NCKAP5: variants seen among roughly 807,000 people sequenced by gnomAD.
NCKAP5 encodes the protein nck-associated protein 5.
Under a neutral mutation model 167.0 loss-of-function variants are expected in NCKAP5, and 92 were observed. The ratio of observed to expected loss-of-function variants is 0.55; its 90% CI spans 0.47 to 0.66. The LOEUF (loss-of-function observed/expected upper bound fraction) is 0.66, where lower values mean the gene tolerates loss of function less well. Among genes scored for constraint, NCKAP5 ranks in the 30% least tolerant of loss-of-function variants. NCKAP5 has a pLI of 0.00. For synonymous variants in NCKAP5, 891 were observed against 877.4 expected (o/e 1.02, Z -0.27); for missense variants, 2,378 against 2,315.0 (o/e 1.03, Z -0.56).
chr2:133,490,583 C>A (rs1225737729), intron 3 of NCKAP5, among the ~76,000 whole-genome samples: 4 of 152,138 alleles, frequency 2.6e-5, no homozygotes, highest in Admixed American at 6.6e-5. Context: ...ACCTAAAATT[C>A]AAAACACTAT....
chr2:133,309,693 T>TA (rs1390049116), intron 3 of NCKAP5, among the ~76,000 whole-genome samples: 2 of 152,220 alleles, frequency 1.3e-5, no homozygotes, highest in African/African-American at 4.8e-5. Flanking sequence ...GGTTTATAGA[T>TA]ACACTGAACA....
intron 6 of NCKAP5, among the ~76,000 whole-genome samples, chr2:133,128,021 C>T (rs1292324743): frequency 1.3e-5 from 2 of 152,186 alleles, no homozygotes; most frequent in Non-Finnish European, 2.9e-5. Context: ...CCTCCATGAA[C>T]TCCTACACCA....
At chr2:133,036,715 C>T (rs1360227035) in intron 6 of NCKAP5, among the ~76,000 whole-genome samples, 1 of 152,002 alleles carries the variant, frequency 6.6e-6, no homozygotes, top group Non-Finnish European at 1.5e-5. Context: ...TAGTATCATA[C>T]TTAATGGAGT....
chr2:133,289,822 GT>G (rs1679441555), intron 4 of NCKAP5, among the ~76,000 whole-genome samples: 1 of 152,188 alleles, frequency 6.6e-6, no homozygotes, highest in Non-Finnish European at 1.5e-5. Flanking sequence ...GGAAGCATGG[GT>G]GGGGAGGCCT....
At chr2:132,854,284 A>C (rs571351816) in intron 11 of NCKAP5, among the ~76,000 whole-genome samples, 1 of 152,318 alleles carries the variant, frequency 6.6e-6, no homozygotes, top group African/African-American at 2.4e-5. Context: ...GGTCTTGTTC[A>C]AAGAAAAAAA....
chr2:133,072,043 T>C (rs946283239), intron 6 of NCKAP5, among the ~76,000 whole-genome samples: 1 of 151,986 alleles, frequency 6.6e-6, no homozygotes, highest in South Asian at 2.1e-4. Flanking sequence ...TGGTCTCTCC[T>C]GCCTCAGATA....
At chr2:133,432,826 A>G (rs905475424) in intron 3 of NCKAP5, among the ~76,000 whole-genome samples, 2 of 152,200 alleles carry the variant, frequency 1.3e-5, no homozygotes, top group African/African-American at 2.4e-5. Context: ...GCATCTGCAC[A>G]ATATCCTATG....
intron 16 of NCKAP5, among the ~76,000 whole-genome samples, chr2:132,765,346 C>T (rs1244664739): frequency 2.3e-5 from 3 of 128,448 alleles, no homozygotes; most frequent in Non-Finnish European, 3.1e-5. Context: ...GAGTTTCGCT[C>T]TGTCCCTAGG....
chr2:133,115,822 TCACACA>T (rs141741244), intron 6 of NCKAP5, among the ~76,000 whole-genome samples: 31 of 122,948 alleles, frequency 2.5e-4, no homozygotes, highest in Non-Finnish European at 2.6e-4. Flanking sequence ...TATATAGTGT[TCACACA>T]CACACACACA....
At chr2:133,152,231 G>A (rs948435742) in intron 5 of NCKAP5, among the ~76,000 whole-genome samples, 1 of 152,086 alleles carries the variant, frequency 6.6e-6, no homozygotes, top group Non-Finnish European at 1.5e-5. Context: ...TCCCCTTACT[G>A]CAGACAATCT....
chr2:133,215,279 G>A (rs2086377984), intron 4 of NCKAP5, among the ~76,000 whole-genome samples: 1 of 152,040 alleles, frequency 6.6e-6, no homozygotes, highest in African/African-American at 2.4e-5. Flanking sequence ...AACAAATTAA[G>A]GGAACAAATA....
chr2:132,857,170 T>C (rs539105116), intron 11 of NCKAP5, among the ~76,000 whole-genome samples: 272 of 139,660 alleles, frequency 1.9e-3, no homozygotes, highest in African/African-American at 7.0e-3. Context: ...TCTTCCATTA[T>C]CTTTTTTTTT....
Position 133,389,034 on chromosome 2 carries a change from C to T in NCKAP5, c.70-85924G>A, listed in dbSNP as rs146557464. On this transcript the variant is annotated intron_variant, in intron 3 of 19. Transcript: ENST00000409261. The stretch of plus-strand genomic sequence containing the variant: ...TTTGGCTCACTCTTGGTGCACTGCA[C>T]CCACTGTCCTGCACCCACTGTCCGA... Among the ~76,000 whole-genome samples, 633 of 152,300 alleles carry T rather than the reference C, an allele frequency of 4.2e-3. 6 individuals carry two copies. The highest frequency in any genetic ancestry group is 0.017 in the Middle Eastern group (5 of 294).
intron 6 of NCKAP5, among the ~76,000 whole-genome samples, chr2:133,067,150 C>T (rs997341251): frequency 6.6e-6 from 1 of 152,160 alleles, no homozygotes; most frequent in South Asian, 2.1e-4. Context: ...CAGGCATGAG[C>T]CACCGTGCCC....
chr2:132,915,120 C>G (rs984744338), intron 8 of NCKAP5, among the ~76,000 whole-genome samples: 22 of 151,906 alleles, frequency 1.4e-4, no homozygotes, highest in African/African-American at 4.3e-4. Context: ...GCTGTTGCAC[C>G]AGACATGTGA....
the NCKAP5 span, among the ~76,000 whole-genome samples, chr2:133,602,775 T>A: frequency 2.6e-5 from 4 of 151,816 alleles, no homozygotes; most frequent in Admixed American, 2.6e-4. Flanking sequence ...AACCCCCGGG[T>A]TAAGGGAAGG....
chr2:133,522,405 T>C (rs914024572), intron 2 of NCKAP5, among the ~76,000 whole-genome samples: 17 of 152,128 alleles, frequency 1.1e-4, no homozygotes, highest in African/African-American at 3.4e-4. Context: ...GTGCACCCCA[T>C]GGAGATGCCT....
At chr2:133,447,653 CTCTTT>C (rs915644952) in intron 3 of NCKAP5, among the ~76,000 whole-genome samples, 40 of 147,850 alleles carry the variant, frequency 2.7e-4, no homozygotes, top group Middle Eastern at 3.2e-3. Flanking sequence ...CTCTTCTCTT[CTCTTT>C]TCTTTTCTTT....
At chr2:132,976,198 T>C (rs2076972314) in intron 7 of NCKAP5, among the ~76,000 whole-genome samples, 1 of 151,768 alleles carries the variant, frequency 6.6e-6, no homozygotes, top group Admixed American at 6.6e-5. Context: ...AATCAGAGAG[T>C]AGACTAGCAC....
Sources: allele counts gnomAD v4.1 joint callset (sites outside exome capture counted in the v4.1 genomes callset), GRCh38; gene constraint gnomAD v4.1.1; transcripts MANE v1.5; gene names NCBI Gene and HGNC (gene_info 2026-07-23, HGNC 2026-07-21).